The following DCC variants were observed in gnomAD, a reference collection of about 807,000 sequenced individuals.
DCC encodes DCC netrin 1 receptor.
Under a neutral mutation model 172.5 loss-of-function variants are expected in DCC, and 58 were observed. The ratio of observed to expected loss-of-function variants is 0.34; its 90% CI spans 0.27 to 0.42. The LOEUF (loss-of-function observed/expected upper bound fraction) is 0.42, where lower values mean the gene tolerates loss of function less well. DCC is among the 10% of genes least tolerant of loss of function. DCC has a pLI of 1.00. For missense variants in DCC, 1,740 were observed against 1,791.0 expected (o/e 0.97, Z 0.51); for synonymous variants, 709 against 644.5 (o/e 1.10, Z -1.52).
intron 12 of DCC, among the ~76,000 whole-genome samples, chr18:53,261,429 G>T (rs140119186): frequency 6.6e-6 from 1 of 152,232 alleles, no homozygotes; most frequent in African/African-American, 2.4e-5. Flanking sequence ...CAGCTATTTG[G>T]CCAGGGCTCA....
intron 27 of DCC, among the ~76,000 whole-genome samples, chr18:53,515,050 A>G (rs1257973353): frequency 2.0e-5 from 3 of 152,088 alleles, no homozygotes; most frequent in Non-Finnish European, 4.4e-5. Context: ...AAAATCCTCA[A>G]TAAAATACTG....
intron 15 of DCC, among the ~76,000 whole-genome samples, chr18:53,381,592 A>G (rs950542357): frequency 8.6e-6 from 1 of 115,902 alleles, no homozygotes; most frequent in African/African-American, 3.3e-5. Context: ...ACCACATCAT[A>G]TAAAGTTTCT....
rs530072575 is a variant in DCC at position 52,847,776 on chromosome 18, C to T, written c.413-58268C>T. On this transcript the variant is annotated intron_variant, in intron 2 of 28. Transcript: ENST00000442544. The stretch of plus-strand genomic sequence containing the variant: ...ACTACAAAACAGTTCCTTCCACTGG[C>T]TAGTGTGAAGCAATCTGAAAGAGAC... 1.4e-4 allele frequency among the ~76,000 whole-genome samples: 22 copies of T among 152,296 alleles called. No homozygotes were observed. In the South Asian group the frequency reaches 4.3e-3, roughly 30 times the overall value.
At chr18:53,351,407 A>ATATATATAG (rs1568075142) in intron 15 of DCC, among the ~76,000 whole-genome samples, 1 of 19,152 alleles carries the variant, frequency 5.2e-5, no homozygotes, top group Non-Finnish European at 8.9e-5. Flanking sequence ...CAGTGTATAT[A>ATATATATAG]TATATATATA....
chr18:52,369,189 G>A (rs886264538), intron 1 of DCC, among the ~76,000 whole-genome samples: 1 of 152,102 alleles, frequency 6.6e-6, no homozygotes, highest in Non-Finnish European at 1.5e-5. Flanking sequence ...AAGAATGTGT[G>A]CTAGGTGCTT....
intron 2 of DCC, among the ~76,000 whole-genome samples, chr18:52,889,534 C>T (rs1251306119): frequency 2.0e-5 from 3 of 152,034 alleles, no homozygotes; most frequent in African/African-American, 7.2e-5. Flanking sequence ...ACATGAAAGC[C>T]ATCAAGGTAA....
chr18:52,640,555 A>G (rs921521070), intron 1 of DCC, among the ~76,000 whole-genome samples: 4 of 152,112 alleles, frequency 2.6e-5, no homozygotes, highest in Non-Finnish European at 4.4e-5. Context: ...TAGCTCTTCT[A>G]TATACCAACA....
At chr18:53,050,160 T>G (rs552744280) in intron 5 of DCC, among the ~76,000 whole-genome samples, 1 of 152,250 alleles carries the variant, frequency 6.6e-6, no homozygotes, top group East Asian at 1.9e-4. Context: ...TTCTTCTGCC[T>G]GCTTTATCTA....
intron 1 of DCC, among the ~76,000 whole-genome samples, chr18:52,601,035 A>G (rs1385691614): frequency 6.6e-6 from 1 of 152,168 alleles, no homozygotes; most frequent in Non-Finnish European, 1.5e-5. Flanking sequence ...CATGTGGGTC[A>G]TAAACTGCTT....
chr18:53,232,840 G>A (rs151323563), intron 12 of DCC, among the ~76,000 whole-genome samples: 26 of 151,874 alleles, frequency 1.7e-4, no homozygotes, highest in Middle Eastern at 3.4e-3. Flanking sequence ...CATCCTATAT[G>A]ACAGCCCCTG....
chr18:52,469,691 A>T (rs1383395256), intron 1 of DCC, among the ~76,000 whole-genome samples: 5 of 152,212 alleles, frequency 3.3e-5, no homozygotes, highest in Admixed American at 1.3e-4. Context: ...TGTAACAAAC[A>T]CAATCTCAAT....
At chr18:53,513,040 A>G (rs1336623206) in intron 27 of DCC, among the ~76,000 whole-genome samples, 1 of 152,188 alleles carries the variant, frequency 6.6e-6, no homozygotes, top group Non-Finnish European at 1.5e-5. Flanking sequence ...TGAAGGAAAA[A>G]ATGTTAAGGG....
intron 3 of DCC, among the ~76,000 whole-genome samples, chr18:52,913,112 C>T (rs2039994690): frequency 1.3e-5 from 2 of 152,044 alleles, no homozygotes; most frequent in African/African-American, 2.4e-5. Context: ...TTTAGCCTGC[C>T]CTCCTTGGTA....
chr18:52,749,679 T>C (rs976678096), intron 1 of DCC, among the ~76,000 whole-genome samples: 5 of 152,214 alleles, frequency 3.3e-5, no homozygotes, highest in African/African-American at 1.2e-4. Context: ...TCTCCTTGTT[T>C]CAGACTAAGT....
At chr18:53,062,445 C>A (rs2042509672) in intron 5 of DCC, among the ~76,000 whole-genome samples, 1 of 152,110 alleles carries the variant, frequency 6.6e-6, no homozygotes. Context: ...ATCACGGCTG[C>A]TACTTCACTG....
At chr18:52,855,675 T>C (rs1473539469) in intron 2 of DCC, among the ~76,000 whole-genome samples, 3 of 152,014 alleles carry the variant, frequency 2.0e-5, no homozygotes, top group Admixed American at 2.0e-4. Context: ...GCCTGAGCAA[T>C]GTGATATTGT....
chr18:52,609,467 G>A (rs1447973917), intron 1 of DCC, among the ~76,000 whole-genome samples: 1 of 151,978 alleles, frequency 6.6e-6, no homozygotes, highest in African/African-American at 2.4e-5. Context: ...GCATCCTAAG[G>A]CTTGGCTGTA....
chr18:52,564,412 A>G (rs1242061060), intron 1 of DCC, among the ~76,000 whole-genome samples: 2 of 152,146 alleles, frequency 1.3e-5, no homozygotes, highest in Non-Finnish European at 2.9e-5. Context: ...AGCATGCACT[A>G]ATAGTCATCG....
chr18:52,487,865 A>G (rs2030307498), intron 1 of DCC, among the ~76,000 whole-genome samples: 1 of 150,490 alleles, frequency 6.6e-6, no homozygotes, highest in Admixed American at 6.7e-5. Context: ...TGCCCACTGT[A>G]GCAGCTCCTT....
Sources: gnomAD v4.1 joint callset for allele counts (sites outside exome capture counted in the v4.1 genomes callset) on GRCh38, gnomAD v4.1.1 for gene constraint, MANE v1.5 for transcripts, NCBI Gene and HGNC (gene_info 2026-07-23, HGNC 2026-07-21) for gene names.